Variants in PLSCR2 observed in about 807,000 individuals in gnomAD.
PLSCR2 encodes PL scramblase 2.
A neutral mutation model predicts 25.3 loss-of-function variants in PLSCR2; 18 were observed. The observed-to-expected ratio is 0.71, with a 90% CI of 0.49 to 1.06. The LOEUF (loss-of-function observed/expected upper bound fraction) is 1.06. Ranked by LOEUF, PLSCR2 falls within the 50% of genes least tolerant of loss-of-function variation. The pLI is 0.00. For missense variants in PLSCR2, 243 were observed against 269.5 expected, an observed-to-expected ratio of 0.90 and a Z score of 0.69; for synonymous variants, 88 against 87.3, an observed-to-expected ratio of 1.01 and a Z score of -0.04.
intron 6 of PLSCR2, among the ~76,000 whole-genome samples, chr3:146,447,764 C>T (rs1201121901): frequency 6.6e-6 from 1 of 152,044 alleles, no homozygotes; most frequent in Admixed American, 6.5e-5. Context: ...CGGGAGTTGC[C>T]CTGGAATTGT....
intron 2 of PLSCR2, among the ~76,000 whole-genome samples, chr3:146,424,605 A>G (rs989178031): frequency 1.3e-5 from 2 of 152,114 alleles, no homozygotes; most frequent in African/African-American, 4.8e-5. Flanking sequence ...TTTGCTTTTT[A>G]TAGTTTCAGT....
At chr3:146,471,991 A>C (rs905222030) in intron 1 of PLSCR2, among the ~76,000 whole-genome samples, 1 of 152,150 alleles carries the variant, frequency 6.6e-6, no homozygotes, top group Non-Finnish European at 1.5e-5. Context: ...TGGTCTTTGA[A>C]TCTTATTTTA....
At chr3:146,422,195 A>C (rs1026479346) in intron 2 of PLSCR2, among the ~76,000 whole-genome samples, 3 of 152,116 alleles carry the variant, frequency 2.0e-5, no homozygotes, top group Admixed American at 6.6e-5. Flanking sequence ...TAGAAGTCAG[A>C]GTGTGATCTG....
intron 2 of PLSCR2, among the ~76,000 whole-genome samples, chr3:146,414,271 C>T (rs1418089166): frequency 1.3e-5 from 2 of 152,204 alleles, no homozygotes; most frequent in African/African-American, 2.4e-5. Context: ...GTTTCCAGCA[C>T]ATGAACTTTG....
intron 5 of PLSCR2, among the ~76,000 whole-genome samples, chr3:146,452,100 T>C (rs1015782243): frequency 6.6e-6 from 1 of 152,168 alleles, no homozygotes; most frequent in Admixed American, 6.5e-5. Context: ...GAATTTGAAA[T>C]TGGGAACAGT....
rs570930492 is a variant in PLSCR2 at position 146,473,585 on chromosome 3, C to T, written c.-292-13301G>A. On this transcript the variant is annotated intron_variant, in intron 1 of 8. Transcript: ENST00000336685. ...CCTCCCAAAATGCTGCGATTACAGG[C>T]ATGAGCCACTGCGCCTGGCTGAAAA... 3.3e-5 allele frequency among the ~76,000 whole-genome samples: 5 copies of T among 152,268 alleles called. No individual in the cohort carries two copies. The East Asian group carries it at 9.7e-4, about 29-fold the overall frequency.
chr3:146,459,385 T>C (rs2041419553), intron 2 of PLSCR2, among the ~76,000 whole-genome samples: 1 of 152,170 alleles, frequency 6.6e-6, no homozygotes, highest in African/African-American at 2.4e-5. Flanking sequence ...GAATCCAGAA[T>C]CAGGGTGGTG....
upstream of PLSCR2, chr3:146,461,973 C>T (rs1313942593): frequency 8.1e-7 from 1 of 1,239,220 alleles, no homozygotes; most frequent in Non-Finnish European, 1.1e-6. Context: ...AAAAAAATGA[C>T]AAAGAACAAG....
rs139629629 is a variant in PLSCR2, at chr3:146,479,188, C to T, written c.-293+16707G>A. ...GCTAGGAAGAAACTGCATCAATTAACGGGCAAAATAACCAGCTAACATTAT... is the reference window on the plus strand; with the variant it reads ...GCTAGGAAGAAACTGCATCAATTAATGGGCAAAATAACCAGCTAACATTAT... On this transcript the variant is annotated intron_variant, in intron 1 of 8. Coordinates refer to the PLSCR2 transcript ENST00000336685. Among the ~76,000 whole-genome samples the T allele has an allele frequency of 8.5e-3, 1,291 of 152,204 alleles. 15 individuals are homozygous for T. Among genetic ancestry groups the T allele is most frequent in the South Asian group, 0.027 (131 of 4,820 alleles).
At chr3:146,421,232 C>G (rs1576590977) in intron 2 of PLSCR2, among the ~76,000 whole-genome samples, 1 of 152,106 alleles carries the variant, frequency 6.6e-6, no homozygotes, top group South Asian at 2.1e-4. Flanking sequence ...CACCTAGATA[C>G]AAACATAAAT....
chr3:146,463,014 A>G (rs1373061855), upstream of PLSCR2, among the ~76,000 whole-genome samples: 1 of 152,186 alleles, frequency 6.6e-6, no homozygotes, highest in Non-Finnish European at 1.5e-5. Flanking sequence ...GGAAAATTTC[A>G]GGTCCTGTGG....
exon 1 of PLSCR2, chr3:146,460,337 G>T: frequency 1.9e-5 from 9 of 469,584 alleles, no homozygotes; most frequent in East Asian, 6.4e-5. Context: ...AACTCAGATA[G>T]AAAATATGCT....
At chr3:146,480,169 T>A (rs1490985056) in intron 1 of PLSCR2, among the ~76,000 whole-genome samples, 1 of 151,882 alleles carries the variant, frequency 6.6e-6, no homozygotes, top group Non-Finnish European at 1.5e-5. Flanking sequence ...ACATCACAAT[T>A]AAAAGAACTA....
intron 1 of PLSCR2, among the ~76,000 whole-genome samples, chr3:146,476,510 G>C (rs1327676524): frequency 2.0e-5 from 3 of 152,206 alleles, no homozygotes; most frequent in African/African-American, 7.2e-5. Flanking sequence ...TGAGCTCCCA[G>C]GGGGAGGGGA....
At chr3:146,470,059 C>T (rs972820948) in intron 1 of PLSCR2, among the ~76,000 whole-genome samples, 2 of 152,076 alleles carry the variant, frequency 1.3e-5, no homozygotes, top group African/African-American at 4.8e-5. Context: ...AAAAGAGGAG[C>T]GGTCGAGATT....
intron 5 of PLSCR2, 138 bp downstream of exon 5, chr3:146,453,864 A>G (rs1014223041): frequency 1.6e-6 from 1 of 609,014 alleles, no homozygotes; most frequent in Non-Finnish European, 2.6e-6. Flanking sequence ...CACTCTGACC[A>G]AAGTTAAATA....
At position 146,469,401 on chromosome 3, in the gene PLSCR2, T is replaced by C. The variant is rs766943529; in HGVS notation, c.-292-9117A>G. ...CCCATTGGGCCCTTGCCCCGCCCTCTGACGCAAACACAATTATGGGGCGGA... is the reference window on the plus strand; with the variant it reads ...CCCATTGGGCCCTTGCCCCGCCCTCCGACGCAAACACAATTATGGGGCGGA... On this transcript the variant is annotated intron_variant, in intron 1 of 8. Coordinates refer to the PLSCR2 transcript ENST00000336685. 688 of 923,434 alleles carry C rather than the reference T, an allele frequency of 7.5e-4. 2 individuals are homozygous for C. Among genetic ancestry groups the C allele is most frequent in the Non-Finnish European group, 8.3e-4 (639 of 773,566 alleles). 57.2% of individuals were successfully genotyped at this position (923,434 alleles called of 1,614,324 possible).
chr3:146,473,453 CTG>C (rs2042185784), intron 1 of PLSCR2, among the ~76,000 whole-genome samples: 1 of 151,910 alleles, frequency 6.6e-6, no homozygotes, highest in East Asian at 1.9e-4. Flanking sequence ...TAACAGGCAC[CTG>C]CTACCACGCC....
intron 2 of PLSCR2, among the ~76,000 whole-genome samples, chr3:146,407,836 A>G (rs1311451380): frequency 6.6e-6 from 1 of 151,666 alleles, no homozygotes; most frequent in Non-Finnish European, 1.5e-5. Flanking sequence ...CGCCTTTCGT[A>G]CTCCTTGCTC....
Sources: gnomAD v4.1 joint callset for allele counts (sites outside exome capture counted in the v4.1 genomes callset) on GRCh38, gnomAD v4.1.1 for gene constraint, MANE v1.5 for transcripts, NCBI Gene and HGNC (gene_info 2026-07-23, HGNC 2026-07-21) for gene names.